The following SPATA18 variants were observed in gnomAD, a reference collection of about 807,000 sequenced individuals.
SPATA18 encodes mitochondria-eating protein.
SPATA18 carries 54 observed loss-of-function variants against 68.1 expected under a neutral mutation model. The observed-to-expected ratio is 0.79, with a 90% CI of 0.64 to 0.99. The LOEUF is 0.99. Among genes scored for constraint, SPATA18 ranks in the 50% least tolerant of loss-of-function variants. The probability of loss-of-function intolerance (pLI) is 0.00; values close to 1 mark genes in which losing one functional copy is unlikely to be tolerated. For synonymous variants in SPATA18, 242 were observed against 244.8 expected, an observed-to-expected ratio of 0.99 and a Z score of 0.11; for missense variants, 724 against 681.1, an observed-to-expected ratio of 1.06 and a Z score of -0.70.
chr4:52,087,834 G>A (rs76575057), intron 11 of SPATA18, among the ~76,000 whole-genome samples: 19,784 of 152,044 alleles, frequency 0.13, 1,488 homozygotes, highest in South Asian at 0.28. Flanking sequence ...GATGGAGATA[G>A]CATTGAATCT....
At chr4:52,079,226 A>C (rs1423584371) in intron 8 of SPATA18, among the ~76,000 whole-genome samples, 1 of 152,156 alleles carries the variant, frequency 6.6e-6, no homozygotes, top group African/African-American at 2.4e-5. Context: ...GATCTTACAC[A>C]TTTACTTAAT....
At chr4:52,078,680 G>T (rs1740626871) in intron 7 of SPATA18, 55 bp from the exon 8 acceptor site, 2 of 1,429,684 alleles carry the variant, frequency 1.4e-6, no homozygotes, top group Non-Finnish European at 1.9e-6. Flanking sequence ...CCTTGTTTTG[G>T]ATCTCTTCAC....
intron 11 of SPATA18, among the ~76,000 whole-genome samples, chr4:52,091,890 T>G (rs1382687024): frequency 3.3e-5 from 5 of 152,168 alleles, no homozygotes; most frequent in Non-Finnish European, 7.4e-5. Context: ...CTGCCTTTTT[T>G]ACAGAGATGC....
At chr4:52,084,109 A>G (rs1741207580) in intron 10 of SPATA18, among the ~76,000 whole-genome samples, 1 of 152,082 alleles carries the variant, frequency 6.6e-6, no homozygotes, top group Non-Finnish European at 1.5e-5. Flanking sequence ...TATTGATCCA[A>G]CAGCTACACA....
intron 6 of SPATA18, among the ~76,000 whole-genome samples, chr4:52,076,004 G>A (rs984219650): frequency 1.3e-5 from 2 of 152,220 alleles, no homozygotes; most frequent in African/African-American, 4.8e-5. Context: ...GATTAAATTT[G>A]TGAAAAATCA....
chr4:52,075,680 T>G (rs1740275061), intron 6 of SPATA18, among the ~76,000 whole-genome samples: 1 of 152,214 alleles, frequency 6.6e-6, no homozygotes, highest in African/African-American at 2.4e-5. Flanking sequence ...TACTGCCTTT[T>G]TCATTTCTTC....
At chr4:52,066,679 A>G (rs1739342662) in intron 4 of SPATA18, among the ~76,000 whole-genome samples, 1 of 152,066 alleles carries the variant, frequency 6.6e-6, no homozygotes. Context: ...AACAGAGCCC[A>G]GTGTGTATTG....
chr4:52,071,239 A>G (rs1355956359), intron 5 of SPATA18, among the ~76,000 whole-genome samples: 1 of 151,978 alleles, frequency 6.6e-6, no homozygotes, highest in African/African-American at 2.4e-5. Flanking sequence ...CACCCTTGTC[A>G]TTTTCATCGT....
intron 10 of SPATA18, chr4:52,083,497 C>T (rs1198019186): frequency 1.0e-6 from 1 of 984,760 alleles, no homozygotes; most frequent in African/African-American, 1.7e-5. Flanking sequence ...CACCTGTAAT[C>T]CTAGCACTTT....
chr4:52,078,103 G>A (rs531695387), intron 7 of SPATA18, among the ~76,000 whole-genome samples: 75 of 23,964 alleles, frequency 3.1e-3, no homozygotes, highest in African/African-American at 5.0e-3. Flanking sequence ...ATTTTTAAAG[G>A]GTTGTAAAAA....
Position 52,095,104 on chromosome 4 carries a change from T to C in SPATA18, c.*217T>C, listed in dbSNP as rs574143254. 8 of 573,574 alleles carry C rather than the reference T, an allele frequency of 1.4e-5. 1 individual carries two copies. The Admixed American group carries it at 2.5e-4, about 18-fold the overall frequency. 35.5% of individuals were successfully genotyped at this position (573,574 alleles called of 1,614,324 possible). ...TTTATTTTATAGATACTAATTCCATTAATTTCATAAAAATGATTGTATAGG... is the reference window on the plus strand; with the variant it reads ...TTTATTTTATAGATACTAATTCCATCAATTTCATAAAAATGATTGTATAGG... On this transcript the variant is annotated 3_prime_UTR_variant, in exon 13 of 13. Coordinates refer to ENST00000295213, the MANE Select transcript of SPATA18 (RefSeq NM_145263.4).
chr4:52,066,725 G>T (rs1484791191), intron 4 of SPATA18, among the ~76,000 whole-genome samples: 1 of 152,080 alleles, frequency 6.6e-6, no homozygotes, highest in Admixed American at 6.6e-5. Context: ...CCGTTGTTCA[G>T]CTCCCACTTA....
In SPATA18 at chr4:52,096,303, T is replaced by A. The variant is rs1742418406; in HGVS notation, c.*1416T>A. 6.6e-6 allele frequency: 1 copy of A among 152,178 alleles called. No individual in the cohort carries two copies. The highest frequency in any genetic ancestry group is 2.4e-5 in the African/African-American group (1 of 41,442). 9.4% of individuals were successfully genotyped at this position (152,178 alleles called of 1,614,324 possible). A position where few individuals can be genotyped will look rare whatever the true frequency, so the allele number is the denominator to read the frequency against. ...TAGGTAACTGCTAGTCATGACTTGG[T>A]CATCAGCTTGCTTTGTGGCACTGAG... On this transcript the variant is annotated 3_prime_UTR_variant, in exon 13 of 13. Transcript: ENST00000295213.
intron 6 of SPATA18, among the ~76,000 whole-genome samples, chr4:52,072,681 C>T (rs1463104922): frequency 1.3e-5 from 2 of 152,214 alleles, no homozygotes; most frequent in Non-Finnish European, 2.9e-5. Flanking sequence ...GCTGGGATTA[C>T]AGGCATGAGC....
At chr4:52,053,958 A>C (rs1738117698) in intron 1 of SPATA18, among the ~76,000 whole-genome samples, 1 of 152,174 alleles carries the variant, frequency 6.6e-6, no homozygotes, top group Admixed American at 6.5e-5. Context: ...AGTCCTACAC[A>C]ATTGTGCCCC....
intron 1 of SPATA18, among the ~76,000 whole-genome samples, chr4:52,057,984 C>T (rs894259655): frequency 1.5e-4 from 23 of 152,214 alleles, no homozygotes; most frequent in African/African-American, 5.3e-4. Flanking sequence ...GCTTGACTCC[C>T]AAGCTCATTC....
intron 9 of SPATA18, among the ~76,000 whole-genome samples, chr4:52,080,468 A>T (rs898262246): frequency 1.1e-4 from 16 of 152,194 alleles, no homozygotes; most frequent in African/African-American, 3.1e-4. Context: ...CTTTTACAGG[A>T]TAAATATTCC....
intron 6 of SPATA18, among the ~76,000 whole-genome samples, chr4:52,072,480 G>A (rs367579895): frequency 6.6e-6 from 1 of 152,024 alleles, no homozygotes; most frequent in South Asian, 2.1e-4. Flanking sequence ...TCGGCTCACT[G>A]CAACCTCTGC....
chr4:52,056,777 C>T lies in SPATA18; in HGVS notation c.88-3642C>T, dbSNP rs112923593. 3.9e-4 allele frequency among the ~76,000 whole-genome samples: 59 copies of T among 152,282 alleles called. 2 individuals carry two copies. Among genetic ancestry groups the T allele is most frequent in the African/African-American group, 1.3e-3 (54 of 41,578 alleles). On this transcript the variant is annotated intron_variant, in intron 1 of 12. Coordinates refer to ENST00000295213, the MANE Select transcript of SPATA18 (RefSeq NM_145263.4). ...CCATCTACCTCCCCACCAGACTCAC[C>T]CTGTGACCCAAAGTCTATCTGGTCT... is the stretch of plus-strand genomic sequence containing the variant.
Sources: allele counts gnomAD v4.1 joint callset (sites outside exome capture counted in the v4.1 genomes callset), GRCh38; gene constraint gnomAD v4.1.1; transcripts MANE v1.5; gene names NCBI Gene and HGNC (gene_info 2026-07-23, HGNC 2026-07-21).